Variants in SIK2 observed in about 807,000 individuals in gnomAD.
SIK2 encodes the protein salt inducible kinase 2.
SIK2 carries 29 observed loss-of-function variants against 103.2 expected under a neutral mutation model. That is an observed-to-expected ratio of 0.28 (90% CI 0.21 to 0.38). The LOEUF is 0.38. Among genes scored for constraint, SIK2 ranks in the 10% least tolerant of loss-of-function variants. The pLI is 1.00. For synonymous variants in SIK2, 412 were observed against 446.1 expected, an observed-to-expected ratio of 0.92 and a Z score of 0.96; for missense variants, 879 against 1,171.0, an observed-to-expected ratio of 0.75 and a Z score of 3.64.
intron 3 of SIK2, among the ~76,000 whole-genome samples, chr11:111,664,002 C>G (rs538072335): frequency 1.3e-5 from 2 of 152,284 alleles, no homozygotes; most frequent in Admixed American, 6.5e-5. Context: ...CACCCTCCCC[C>G]ACTCCCCACT....
chr11:111,723,832 C>T lies in SIK2; in HGVS notation c.2484C>T (p.Pro828=), dbSNP rs45441402. ...AGCAGCAGCCGCCACCGCCACCACCCCCTCCACCACCACGACAGCCAGGAG... is the reference window on the plus strand; with the variant it reads ...AGCAGCAGCCGCCACCGCCACCACCTCCTCCACCACCACGACAGCCAGGAG... ...LQQQQPPPPP[P]PPPPRQPGAA... The change falls in exon 15 of 15, where the codon CCC becomes CCT. Residue 828 remains proline (P), a synonymous_variant. Coordinates refer to ENST00000304987, the MANE Select transcript of SIK2 (RefSeq NM_015191.3). The T allele has an allele frequency of 6.2e-7, 1 of 1,613,710 alleles. No individual in the cohort carries two copies. Among genetic ancestry groups the T allele is most frequent in the East Asian group, 2.2e-5 (1 of 44,882 alleles).
intron 3 of SIK2, among the ~76,000 whole-genome samples, chr11:111,649,130 T>G (rs1942295939): frequency 6.6e-6 from 1 of 152,230 alleles, no homozygotes; most frequent in Non-Finnish European, 1.5e-5. Context: ...TTCAGCATAC[T>G]GTAGCTGGTT....
rs573549105 is a variant in SIK2 at position 111,602,950 on chromosome 11, C to T, written c.135+252C>T. On this transcript the variant is annotated intron_variant, in intron 1 of 14. Coordinates refer to ENST00000304987, the MANE Select transcript of SIK2 (RefSeq NM_015191.3). The surrounding 1 kb of genome is among the most constrained non-coding windows in gnomAD (Gnocchi z 4.5). Reference sequence around the variant, plus strand: ...GCAACCAGCCGGGGCTTTGCTTTCCCCTACGCCACCCCCGGTGGCCACCCG... The same window carrying T: ...GCAACCAGCCGGGGCTTTGCTTTCCTCTACGCCACCCCCGGTGGCCACCCG... Among the ~76,000 whole-genome samples, 1 of 152,232 alleles carries T rather than the reference C, an allele frequency of 6.6e-6. No individual in the cohort carries two copies. Among genetic ancestry groups the T allele is most frequent in the South Asian group, 2.1e-4 (1 of 4,822 alleles).
chr11:111,646,082 G>A (rs759943940), intron 3 of SIK2, among the ~76,000 whole-genome samples: 13 of 150,206 alleles, frequency 8.7e-5, no homozygotes, highest in African/African-American at 2.3e-4. Context: ...GTGCATGTGC[G>A]CGCACATGAG....
chr11:111,714,600 T>C (rs1943587598), intron 9 of SIK2, among the ~76,000 whole-genome samples: 1 of 152,098 alleles, frequency 6.6e-6, no homozygotes, highest in Non-Finnish European at 1.5e-5. Context: ...GATAGACTAT[T>C]AAGGTCTAGG....
chr11:111,722,522 C>T lies in SIK2; in HGVS notation c.2056-143C>T. 1 of 764,078 alleles carries T rather than the reference C, an allele frequency of 1.3e-6. No individual in the cohort carries two copies. Among genetic ancestry groups the T allele is most frequent in the Non-Finnish European group, 2.1e-6 (1 of 475,308 alleles). 47.3% of individuals were successfully genotyped at this position (764,078 alleles called of 1,614,324 possible). On this transcript the variant is annotated intron_variant, in intron 13 of 14. Transcript: ENST00000304987. The surrounding 1 kb of genome is among the most constrained non-coding windows in gnomAD (Gnocchi z 4.4). The stretch of plus-strand genomic sequence containing the variant: ...CGGGCCCGATGCTCTTTCAGGGTCT[C>T]AGGGAGTAAATGTCAGTCCCTTCAC...
At chr11:111,659,849 A>C (rs966400818) in intron 3 of SIK2, among the ~76,000 whole-genome samples, 4 of 152,194 alleles carry the variant, frequency 2.6e-5, no homozygotes, top group Admixed American at 2.6e-4. Context: ...AATCCAAAGG[A>C]GGGGCAACTT....
chr11:111,709,305 A>G lies in SIK2; in HGVS notation c.1102-2906A>G, dbSNP rs115747898. ...ATCAGGGCCCCAACCTCAGGACCTC[A>G]TTTAACCTTAATTACCTTCTTCAAG... On this transcript the variant is annotated intron_variant, in intron 8 of 14. Transcript: ENST00000304987. Among the ~76,000 whole-genome samples the G allele has an allele frequency of 6.9e-3, 1,058 of 152,308 alleles. 15 individuals are homozygous for G. Among genetic ancestry groups the G allele is most frequent in the African/African-American group, 0.024 (1,015 of 41,580 alleles).
At chr11:111,712,128 G>C in intron 8 of SIK2, 83 bp from the exon 9 acceptor site, 1 of 1,355,246 alleles carries the variant, frequency 7.4e-7, no homozygotes, top group South Asian at 1.4e-5. Flanking sequence ...GCCACAGGAA[G>C]AATTATTTTA....
chr11:111,616,444 T>C, intron 2 of SIK2, 85 bp downstream of exon 2: 1 of 792,896 alleles, frequency 1.3e-6, no homozygotes, highest in Non-Finnish European at 2.1e-6. Flanking sequence ...TATATTTGTT[T>C]TTCTAATCAA....
rs1793027949 is a variant in SIK2, at chr11:111,723,856, A to C, written c.2508A>C (p.Gly836=). 6.4e-7 allele frequency: 1 copy of C among 1,573,386 alleles called. No homozygotes were observed. The highest frequency in any genetic ancestry group is 1.4e-5 in the African/African-American group (1 of 73,008). Residue 836 remains glycine, a synonymous_variant, in exon 15 of 15, where the codon GGA becomes GGC. Transcript: ENST00000304987. Reference sequence around the variant, plus strand: ...CCCCTCCACCACCACGACAGCCAGGAGCTGCCCCAGCCCCCTTACAGTTCT... The same window carrying C: ...CCCCTCCACCACCACGACAGCCAGGCGCTGCCCCAGCCCCCTTACAGTTCT... ...PPPPPPPRQP[G]AAPAPLQFSY...
intron 9 of SIK2, among the ~76,000 whole-genome samples, chr11:111,714,054 A>T (rs1943574187): frequency 6.6e-6 from 1 of 152,216 alleles, no homozygotes; most frequent in South Asian, 2.1e-4. Context: ...CTGTTTGATC[A>T]GGAAAGTCCG....
intron 3 of SIK2, among the ~76,000 whole-genome samples, chr11:111,648,942 TGTG>T (rs1942293323): frequency 1.3e-5 from 2 of 152,078 alleles, no homozygotes; most frequent in Non-Finnish European, 2.9e-5. Flanking sequence ...CTAAGGCAAG[TGTG>T]TCTTATTGCT....
intron 3 of SIK2, among the ~76,000 whole-genome samples, chr11:111,660,213 G>T (rs1442069409): frequency 6.6e-6 from 1 of 152,080 alleles, no homozygotes; most frequent in Non-Finnish European, 1.5e-5. Flanking sequence ...ACGAAATCAG[G>T]CCCATTTGTG....
chr11:111,697,956 G>A (rs1328159085), intron 4 of SIK2, among the ~76,000 whole-genome samples: 1 of 152,186 alleles, frequency 6.6e-6, no homozygotes, highest in Non-Finnish European at 1.5e-5. Context: ...GCTACAATGA[G>A]CTGTGATTCA....
Position 111,701,881 on chromosome 11 carries a change from A to T in SIK2, c.727+306A>T, listed in dbSNP as rs545631526. On this transcript the variant is annotated intron_variant, in intron 6 of 14. Coordinates refer to ENST00000304987, the MANE Select transcript of SIK2 (RefSeq NM_015191.3). This position sits in a 1 kb window ranked among gnomAD's most constrained non-coding sequence, Gnocchi z 4.2. ...AAGCCCTTTGTAGATACAGATTCAC[A>T]ACCATTTTACTCCAATATGAAATGA... Among the ~76,000 whole-genome samples, 1 of 152,318 alleles carries T rather than the reference A, an allele frequency of 6.6e-6. No individual in the cohort carries two copies. Among genetic ancestry groups the T allele is most frequent in the South Asian group, 2.1e-4 (1 of 4,830 alleles).
intron 3 of SIK2, among the ~76,000 whole-genome samples, chr11:111,629,450 A>T (rs1233999310): frequency 6.6e-6 from 1 of 152,218 alleles, no homozygotes; most frequent in Non-Finnish European, 1.5e-5. Context: ...TAAAGCAAAC[A>T]TGATTGAAGA....
At chr11:111,645,488 G>A (rs1285568112) in intron 3 of SIK2, among the ~76,000 whole-genome samples, 1 of 152,230 alleles carries the variant, frequency 6.6e-6, no homozygotes, top group African/African-American at 2.4e-5. Context: ...ACTAAGGTAT[G>A]TAGTTTAGGA....
chr11:111,628,451 T>TTTCTTTCTTTCTTTCTTTCTTTCTTTCC (rs1202914561), intron 3 of SIK2, among the ~76,000 whole-genome samples: 1 of 144,766 alleles, frequency 6.9e-6, no homozygotes, highest in African/African-American at 2.6e-5. Context: ...TCTTTCTTTC[T>TTTCTTTCTTTCTTTCTTTCTTTCTTTCC]TTTTTGAGAC....
Sources: gnomAD v4.1 joint callset for allele counts (sites outside exome capture counted in the v4.1 genomes callset) on GRCh38, gnomAD v4.1.1 for gene constraint, Gnocchi (gnomAD v3.1) non-coding constraint, MANE v1.5 for transcripts, NCBI Gene and HGNC (gene_info 2026-07-23, HGNC 2026-07-21) for gene names.